Variants in CTNNA1 observed in about 807,000 individuals in gnomAD.
CTNNA1 encodes catenin alpha-1.
Under a neutral mutation model 98.4 loss-of-function variants are expected in CTNNA1, and 37 were observed. The observed-to-expected ratio is 0.38, with a 90% CI of 0.29 to 0.49. The LOEUF is 0.49. CTNNA1 is among the 20% of genes least tolerant of loss of function. The probability of loss-of-function intolerance (pLI) is 0.95; values close to 1 mark genes in which losing one functional copy is unlikely to be tolerated. For missense variants in CTNNA1, 761 were observed against 1,147.2 expected (o/e 0.66, Z 4.86); for synonymous variants, 404 against 413.2 (o/e 0.98, Z 0.27).
At chr5:138,812,821 G>A (rs143862490) in intron 5 of CTNNA1, among the ~76,000 whole-genome samples, 69 of 152,238 alleles carry the variant, frequency 4.5e-4, no homozygotes, top group African/African-American at 1.6e-3. Flanking sequence ...TGACCCTTCG[G>A]CATTTTCACT....
intron 9 of CTNNA1, among the ~76,000 whole-genome samples, chr5:138,894,917 C>G (rs1017377871): frequency 2.6e-5 from 4 of 152,182 alleles, no homozygotes; most frequent in Non-Finnish European, 5.9e-5. Context: ...CATGTCACTT[C>G]TGTAGAGAAA....
At chr5:138,924,261 T>G (rs1253478304) in intron 11 of CTNNA1, among the ~76,000 whole-genome samples, 3 of 151,212 alleles carry the variant, frequency 2.0e-5, no homozygotes, top group Non-Finnish European at 4.4e-5. Context: ...CTGTTTTTTT[T>G]GTGTGTGTTT....
chr5:138,780,280 C>G (rs1754920400), intron 1 of CTNNA1, among the ~76,000 whole-genome samples: 1 of 151,806 alleles, frequency 6.6e-6, no homozygotes, highest in Non-Finnish European at 1.5e-5. Context: ...AGCTCCGTCT[C>G]TGGGGTTCAC....
At chr5:138,879,484 A>G (rs1386439531) in intron 7 of CTNNA1, among the ~76,000 whole-genome samples, 1 of 151,750 alleles carries the variant, frequency 6.6e-6, no homozygotes, top group Non-Finnish European at 1.5e-5. Flanking sequence ...TTTTTTTTTA[A>G]AAAGACAGTG....
chr5:138,927,292 G>A (rs978255746), intron 13 of CTNNA1, among the ~76,000 whole-genome samples: 10 of 152,176 alleles, frequency 6.6e-5, no homozygotes, highest in African/African-American at 2.4e-4. Context: ...AGGCCTTCTG[G>A]GACTGGAACC....
chr5:138,774,660 C>T (rs1463909323), intron 1 of CTNNA1, among the ~76,000 whole-genome samples: 6 of 150,954 alleles, frequency 4.0e-5, no homozygotes, highest in South Asian at 2.1e-4. Context: ...CTCGCTCTGT[C>T]GCCCAGGCTG....
chr5:138,840,466 T>C (rs895024720), intron 7 of CTNNA1, among the ~76,000 whole-genome samples: 2 of 152,246 alleles, frequency 1.3e-5, no homozygotes, highest in African/African-American at 4.8e-5. Flanking sequence ...ATGTGCAAAT[T>C]GGTGTTTTTA....
chr5:138,776,213 C>T (rs938745152), intron 1 of CTNNA1, among the ~76,000 whole-genome samples: 1 of 151,684 alleles, frequency 6.6e-6, no homozygotes, highest in Non-Finnish European at 1.5e-5. Flanking sequence ...GTTTGTGTCC[C>T]TGGGTACTTG....
chr5:138,838,651 T>TAGGTTATTGACTTGAGACCTTTC, intron 7 of CTNNA1, among the ~76,000 whole-genome samples: 1 of 152,194 alleles, frequency 6.6e-6, no homozygotes, highest in Non-Finnish European at 1.5e-5. Flanking sequence ...GGTGAGAACT[T>TAGGTTATTGACTTGAGACCTTTC]AGGTTATTGA....
At chr5:138,846,085 C>T (rs1420889029) in intron 7 of CTNNA1, among the ~76,000 whole-genome samples, 2 of 152,108 alleles carry the variant, frequency 1.3e-5, no homozygotes, top group African/African-American at 4.8e-5. Flanking sequence ...CACCACCACG[C>T]CCGGCTAATT....
At chr5:138,756,464 C>A (rs1031728870) in intron 1 of CTNNA1, among the ~76,000 whole-genome samples, 2 of 152,106 alleles carry the variant, frequency 1.3e-5, no homozygotes, top group Non-Finnish European at 2.9e-5. Flanking sequence ...ACCGCACTTT[C>A]GGATTTCTTT....
At position 138,857,252 on chromosome 5, in the gene CTNNA1, A is replaced by G. The variant is rs1763807960; in HGVS notation, c.1063-28960A>G. 2.0e-5 allele frequency among the ~76,000 whole-genome samples: 3 copies of G among 152,298 alleles called. No homozygotes were observed. In the South Asian group the frequency reaches 6.2e-4, roughly 32 times the overall value. ...CATCATATCCTAGCCGTCTTCAGAAATCTGGAGTGACTGCTCTTGTCAACC... is the reference window on the plus strand; with the variant it reads ...CATCATATCCTAGCCGTCTTCAGAAGTCTGGAGTGACTGCTCTTGTCAACC... On this transcript the variant is annotated intron_variant, in intron 7 of 17. Transcript: ENST00000302763.
intron 1 of CTNNA1, among the ~76,000 whole-genome samples, chr5:138,777,034 G>A (rs1469444835): frequency 3.3e-5 from 5 of 152,190 alleles, no homozygotes; most frequent in East Asian, 3.9e-4. Context: ...GGTGGCTGCC[G>A]GGCAGAGACG....
At chr5:138,908,135 G>A (rs570540228) in intron 10 of CTNNA1, among the ~76,000 whole-genome samples, 148 of 152,102 alleles carry the variant, frequency 9.7e-4, no homozygotes, top group African/African-American at 3.4e-3. Context: ...CTGCCACCAC[G>A]CCCGGCTAAT....
At chr5:138,930,695 CT>C (rs1253889496) in intron 15 of CTNNA1, 41 bp downstream of exon 15, 1 of 1,591,790 alleles carries the variant, frequency 6.3e-7, no homozygotes, top group Admixed American at 1.7e-5. Context: ...ACAGGGGCTA[CT>C]TTCTTCCCCA....
At chr5:138,793,190 T>A (rs1356442454) in intron 3 of CTNNA1, among the ~76,000 whole-genome samples, 1 of 152,232 alleles carries the variant, frequency 6.6e-6, no homozygotes, top group East Asian at 1.9e-4. Flanking sequence ...AAAAGCAAAA[T>A]ATAAATTCTG....
At position 138,758,864 on chromosome 5, in the gene CTNNA1, A is replaced by G. The variant is rs977082633; in HGVS notation, c.-3+5354A>G. ...CTCTCGTTGCCCGGACTGGAGTGCA[A>G]TGGCGTGATCTTGGCTCACTGCACT... On this transcript the variant is annotated intron_variant, in intron 1 of 17. Coordinates refer to ENST00000302763, the MANE Select transcript of CTNNA1 (RefSeq NM_001903.5). Among the ~76,000 whole-genome samples the G allele has an allele frequency of 2.7e-5, 4 of 150,786 alleles. No individual in the cohort carries two copies. In the South Asian group the frequency reaches 6.3e-4, roughly 24 times the overall value.
chr5:138,890,319 C>CCACA (rs1755070737), intron 9 of CTNNA1, among the ~76,000 whole-genome samples: 1 of 148,334 alleles, frequency 6.7e-6, no homozygotes, highest in East Asian at 1.9e-4. Context: ...AGTGCAGACC[C>CCACA]CACAGGTTTA....
intron 3 of CTNNA1, among the ~76,000 whole-genome samples, chr5:138,784,700 G>A (rs1029467978): frequency 3.3e-5 from 5 of 152,140 alleles, no homozygotes; most frequent in Admixed American, 2.6e-4. Flanking sequence ...TGAAATCAAG[G>A]TGTTGGCAGG....
Sources: gnomAD v4.1 joint callset for allele counts (sites outside exome capture counted in the v4.1 genomes callset) on GRCh38, gnomAD v4.1.1 for gene constraint, MANE v1.5 for transcripts, NCBI Gene and HGNC (gene_info 2026-07-23, HGNC 2026-07-21) for gene names.